The following ADO variants were observed in gnomAD, a reference collection of about 807,000 sequenced individuals.
ADO encodes the protein 2-aminoethanethiol (cysteamine) dioxygenase.
A neutral mutation model predicts 16.6 loss-of-function variants in ADO; 9 were observed. The ratio of observed to expected loss-of-function variants is 0.54; its 90% confidence interval spans 0.33 to 0.95. The LOEUF is 0.95. Among genes scored for constraint, ADO ranks in the 40% least tolerant of loss-of-function variants. ADO has a pLI of 0.03. For missense variants in ADO, 356 were observed against 386.4 expected (o/e 0.92, Z 0.66); for synonymous variants, 189 against 179.6 (o/e 1.05, Z -0.42).
chr10:62,805,545 A>G lies in ADO; in HGVS notation c.486A>G (p.Arg162=). ...QFEPPLQPRE[R]EAVRPGVLRS... ...AGCCGCCGCTGCAGCCCCGGGAGCG[A>G]GAAGCCGTGCGGCCGGGCGTGCTGC... is the stretch of plus-strand genomic sequence containing the variant. The change falls in exon 1 of 1, where the codon CGA becomes CGG. Residue 162 remains arginine, a synonymous_variant. Coordinates refer to ENST00000373783, the MANE Select transcript of ADO (RefSeq NM_032804.6). The surrounding 1 kb of genome is among the most constrained non-coding windows in gnomAD (Gnocchi z 6.4). The G allele has an allele frequency of 6.4e-7, 1 of 1,551,020 alleles. No individual in the cohort carries two copies. The highest frequency in any genetic ancestry group is 8.7e-7 in the Non-Finnish European group (1 of 1,149,414).
rs760613955 is a variant in ADO at position 62,805,309 on chromosome 10, C to G, written c.250C>G (p.Pro84Ala). The G allele has an allele frequency of 2.3e-5, 37 of 1,604,340 alleles. No homozygotes were observed. Among genetic ancestry groups the G allele is most frequent in the Non-Finnish European group, 3.1e-5 (37 of 1,179,276 alleles). Residue 84 changes from proline to alanine, a missense_variant, in exon 1 of 1, where the codon CCA becomes GCA. Coordinates refer to ENST00000373783, the MANE Select transcript of ADO (RefSeq NM_032804.6). This position sits in a 1 kb window ranked among gnomAD's most constrained non-coding sequence, Gnocchi z 6.4. ...TLQPLPPNLP[P>A]VTYMHIYETD... Reference sequence around the variant, plus strand: ...GCAGCCGCTGCCGCCCAACCTGCCGCCAGTCACCTACATGCACATCTACGA... The same window carrying G: ...GCAGCCGCTGCCGCCCAACCTGCCGGCAGTCACCTACATGCACATCTACGA...
Position 62,806,310 on chromosome 10 carries a change from A to G in ADO, c.*438A>G. ...TAGTTTTTTAACTTATTGACTGTGC[A>G]TGACCCAGTGGTTTGAATTGTTTTT... On this transcript the variant is annotated 3_prime_UTR_variant, in exon 1 of 1. Coordinates refer to ENST00000373783, the MANE Select transcript of ADO (RefSeq NM_032804.6). 5.9e-6 allele frequency: 1 copy of G among 170,122 alleles called. No homozygotes were observed. The allele number at this position is 170,122 out of a possible 1,614,324, so 10.5% of individuals were successfully genotyped here. A position where few individuals can be genotyped will look rare whatever the true frequency, so the allele number is the denominator to read the frequency against.
At position 62,805,090 on chromosome 10, in the gene ADO, C is replaced by A; in HGVS notation, c.31C>A (p.Gln11Lys). 1 of 1,526,592 alleles carries A rather than the reference C, an allele frequency of 6.6e-7. No individual in the cohort carries two copies. Among genetic ancestry groups the A allele is most frequent in the Admixed American group, 2.1e-5 (1 of 46,568 alleles). 94.6% of individuals were successfully genotyped at this position (1,526,592 alleles called of 1,614,324 possible). A position where few individuals can be genotyped will look rare whatever the true frequency, so the allele number is the denominator to read the frequency against. Reference sequence around the variant, plus strand: ...CCGAGACAACATGGCCTCCTTGATCCAACGGATCGCCCGCCAGGCTTGCCT... The same window carrying A: ...CCGAGACAACATGGCCTCCTTGATCAAACGGATCGCCCGCCAGGCTTGCCT... MPRDNMASLI[Q>K]RIARQACLTF... Residue 11 changes from glutamine (Q) to lysine (K), a missense_variant, in exon 1 of 1, where the codon CAA becomes AAA. Physicochemically the swap from Gln to Lys is moderately conservative, Grantham distance 53. Coordinates refer to ENST00000373783, the MANE Select transcript of ADO (RefSeq NM_032804.6). This position sits in a 1 kb window ranked among gnomAD's most constrained non-coding sequence, Gnocchi z 6.4.
At position 62,806,604 on chromosome 10, in the gene ADO, A is replaced by G. The variant is rs1004684683; in HGVS notation, c.*732A>G. 3 of 167,240 alleles carry G rather than the reference A, an allele frequency of 1.8e-5. No individual in the cohort carries two copies. The highest frequency in any genetic ancestry group is 7.2e-5 in the African/African-American group (3 of 41,466). The allele number at this position is 167,240 out of a possible 1,614,324, so 10.4% of individuals were successfully genotyped here. A position where few individuals can be genotyped will look rare whatever the true frequency, so the allele number is the denominator to read the frequency against. On this transcript the variant is annotated 3_prime_UTR_variant, in exon 1 of 1. Transcript: ENST00000373783. ...TGGTCACTTAGAGCTTATCTTCCCT[A>G]TGAATCTCCAGATCTGTGAGTCGAG...
chr10:62,808,429 A>G lies in ADO; in HGVS notation c.*2557A>G, dbSNP rs1222369834. 6.0e-6 allele frequency: 1 copy of G among 167,286 alleles called. No individual in the cohort carries two copies. The highest frequency in any genetic ancestry group is 2.4e-5 in the African/African-American group (1 of 41,480). 10.4% of individuals were successfully genotyped at this position (167,286 alleles called of 1,614,324 possible). A position where few individuals can be genotyped will look rare whatever the true frequency, so the allele number is the denominator to read the frequency against. ...TGGAAAGACTAATGAGCACAATGAT[A>G]TTAATCACTTTTATGGTGAATAATA... On this transcript the variant is annotated 3_prime_UTR_variant, in exon 1 of 1. Coordinates refer to ENST00000373783, the MANE Select transcript of ADO (RefSeq NM_032804.6).
Position 62,808,047 on chromosome 10 carries a change from A to G in ADO, c.*2175A>G, listed in dbSNP as rs1042887232. On this transcript the variant is annotated 3_prime_UTR_variant, in exon 1 of 1. Coordinates refer to ENST00000373783, the MANE Select transcript of ADO (RefSeq NM_032804.6). ...AGAAGTTTTAAAGTTTTCAATTACG[A>G]GCAATTTGGAAGAAAAAACCTAAGG... The G allele has an allele frequency of 6.0e-6, 1 of 167,208 alleles. No individual in the cohort carries two copies. The highest frequency in any genetic ancestry group is 1.9e-4 in the East Asian group (1 of 5,348). 10.4% of individuals were successfully genotyped at this position (167,208 alleles called of 1,614,324 possible).
chr10:62,804,728 G>T lies in ADO; in HGVS notation c.-332G>T, dbSNP rs764409805. On this transcript the variant is annotated 5_prime_UTR_variant, in exon 1 of 1. Coordinates refer to ENST00000373783, the MANE Select transcript of ADO (RefSeq NM_032804.6). ...TGCTCCGCAGGGTCCCCGGGCGCCCGGCCACCGTCGTAGGTGCGGGCCGCA... is the reference window on the plus strand; with the variant it reads ...TGCTCCGCAGGGTCCCCGGGCGCCCTGCCACCGTCGTAGGTGCGGGCCGCA... 1 of 190,974 alleles carries T rather than the reference G, an allele frequency of 5.2e-6. No individual in the cohort carries two copies. The highest frequency in any genetic ancestry group is 2.3e-5 in the African/African-American group (1 of 42,702). 11.8% of individuals were successfully genotyped at this position (190,974 alleles called of 1,614,324 possible). A position where few individuals can be genotyped will look rare whatever the true frequency, so the allele number is the denominator to read the frequency against.
Position 62,807,636 on chromosome 10 carries a change from A to G in ADO, c.*1764A>G, listed in dbSNP as rs1249525271. 1 of 167,234 alleles carries G rather than the reference A, an allele frequency of 6.0e-6. No homozygotes were observed. Among genetic ancestry groups the G allele is most frequent in the Admixed American group, 6.5e-5 (1 of 15,292 alleles). 10.4% of individuals were successfully genotyped at this position (167,234 alleles called of 1,614,324 possible). A position where few individuals can be genotyped will look rare whatever the true frequency, so the allele number is the denominator to read the frequency against. On this transcript the variant is annotated 3_prime_UTR_variant, in exon 1 of 1. Coordinates refer to ENST00000373783, the MANE Select transcript of ADO (RefSeq NM_032804.6). ...CTTTATTATAAAACCTGACACAGGCATAGTACCAAGTATTTCCTGCATTGT... is the reference window on the plus strand; with the variant it reads ...CTTTATTATAAAACCTGACACAGGCGTAGTACCAAGTATTTCCTGCATTGT...
chr10:62,805,937 C>T lies in ADO; in HGVS notation c.*65C>T. The stretch of plus-strand genomic sequence containing the variant: ...CTACCCTACCACAAGGGCTGTGTCT[C>T]TACCCCCTAGCCTGGGCGTTGGATC... On this transcript the variant is annotated 3_prime_UTR_variant, in exon 1 of 1. Coordinates refer to ENST00000373783, the MANE Select transcript of ADO (RefSeq NM_032804.6). This position sits in a 1 kb window ranked among gnomAD's most constrained non-coding sequence, Gnocchi z 6.4. 7.2e-7 allele frequency: 1 copy of T among 1,381,944 alleles called. No homozygotes were observed. The highest frequency in any genetic ancestry group is 2.8e-5 in the East Asian group (1 of 35,760). 85.6% of individuals were successfully genotyped at this position (1,381,944 alleles called of 1,614,324 possible). A position where few individuals can be genotyped will look rare whatever the true frequency, so the allele number is the denominator to read the frequency against.
Position 62,804,780 on chromosome 10 carries a change from A to G in ADO, c.-280A>G. 4.2e-6 allele frequency: 1 copy of G among 235,658 alleles called. No individual in the cohort carries two copies. The highest frequency in any genetic ancestry group is 8.1e-6 in the Non-Finnish European group (1 of 123,596). 14.6% of individuals were successfully genotyped at this position (235,658 alleles called of 1,614,324 possible). A position where few individuals can be genotyped will look rare whatever the true frequency, so the allele number is the denominator to read the frequency against. On this transcript the variant is annotated 5_prime_UTR_variant, in exon 1 of 1. Coordinates refer to ENST00000373783, the MANE Select transcript of ADO (RefSeq NM_032804.6). ...GAATGGAGCGCCGGGCGTAAGGCAA[A>G]GCCTGGCACCGTCTGCGCGGCCGCT...
In ADO at chr10:62,805,559, CGG is replaced by C; in HGVS notation, c.502_503del (p.Gly168ArgfsTer72). 6.4e-7 allele frequency: 1 copy of C among 1,557,046 alleles called. No homozygotes were observed. The highest frequency in any genetic ancestry group is 8.7e-7 in the Non-Finnish European group (1 of 1,152,272). On this transcript the variant is annotated frameshift_variant, in exon 1 of 1. Transcript: ENST00000373783. LOFTEE classifies it high-confidence loss of function. This position sits in a 1 kb window ranked among gnomAD's most constrained non-coding sequence, Gnocchi z 6.4. ...CCCCGGGAGCGAGAAGCCGTGCGGC[CGG>C]GCGTGCTGCGTTCGCGGGCCGAGTA...
chr10:62,805,155 T>C lies in ADO; in HGVS notation c.96T>C (p.Asp32=), dbSNP rs2132688473. The change falls in exon 1 of 1, where the codon GAT becomes GAC. Residue 32 remains aspartate (D), a synonymous_variant. Transcript: ENST00000373783. This position sits in a 1 kb window ranked among gnomAD's most constrained non-coding sequence, Gnocchi z 6.4. ...GCGGGGGCGGCCGCGGCGCTTCCGA[T>C]CGCGACGCGGCTTCTGGCCCGGAGG... The part of the protein sequence containing the change: ...RGSGGGRGAS[D]RDAASGPEAP... 1 of 1,587,200 alleles carries C rather than the reference T, an allele frequency of 6.3e-7. No homozygotes were observed.
Position 62,808,038 on chromosome 10 carries a change from T to G in ADO, c.*2166T>G, listed in dbSNP as rs1842070192. On this transcript the variant is annotated 3_prime_UTR_variant, in exon 1 of 1. Coordinates refer to ENST00000373783, the MANE Select transcript of ADO (RefSeq NM_032804.6). ...ATGAAAAAAAGAAGTTTTAAAGTTT[T>G]CAATTACGAGCAATTTGGAAGAAAA... is the stretch of plus-strand genomic sequence containing the variant. 6.0e-6 allele frequency: 1 copy of G among 167,186 alleles called. No homozygotes were observed. Among genetic ancestry groups the G allele is most frequent in the Admixed American group, 6.5e-5 (1 of 15,294 alleles). 10.4% of individuals were successfully genotyped at this position (167,186 alleles called of 1,614,324 possible).
rs1842064192 is a variant in ADO, at chr10:62,807,414, T to C, written c.*1542T>C. The stretch of plus-strand genomic sequence containing the variant: ...TCTAATATCTATAATAAAGGGAGAT[T>C]TGCTATTATTAGTGGAATGTTGACC... On this transcript the variant is annotated 3_prime_UTR_variant, in exon 1 of 1. Transcript: ENST00000373783. The C allele has an allele frequency of 6.0e-6, 1 of 167,174 alleles. No homozygotes were observed. The highest frequency in any genetic ancestry group is 2.4e-5 in the African/African-American group (1 of 41,454). 10.4% of individuals were successfully genotyped at this position (167,174 alleles called of 1,614,324 possible).
At position 62,805,680 on chromosome 10, in the gene ADO, C is replaced by T. The variant is rs1227885094; in HGVS notation, c.621C>T (p.Ile207=). 2.5e-6 allele frequency: 4 copies of T among 1,610,878 alleles called. No individual in the cohort carries two copies. Among genetic ancestry groups the T allele is most frequent in the Non-Finnish European group, 3.4e-6 (4 of 1,179,188 alleles). Residue 207 remains isoleucine (I), a synonymous_variant, in exon 1 of 1, where the codon ATC becomes ATT. Transcript: ENST00000373783. This position sits in a 1 kb window ranked among gnomAD's most constrained non-coding sequence, Gnocchi z 6.4. The part of the protein sequence containing the change: ...AVEGPAAFLD[I]LAPPYDPDDG... ...AAGGGCCTGCCGCCTTCCTGGACATCCTGGCCCCGCCCTACGACCCGGACG... is the reference window on the plus strand; with the variant it reads ...AAGGGCCTGCCGCCTTCCTGGACATTCTGGCCCCGCCCTACGACCCGGACG...
rs1842072576 is a variant in ADO at position 62,808,261 on chromosome 10, TGTG to T, written c.*2393_*2395del. 3 of 167,386 alleles carry T rather than the reference TGTG, an allele frequency of 1.8e-5. No homozygotes were observed. Among genetic ancestry groups the T allele is most frequent in the South Asian group, 4.1e-4 (2 of 4,828 alleles). 10.4% of individuals were successfully genotyped at this position (167,386 alleles called of 1,614,324 possible). ...GAATATGCTTATTACAAAGACAAAA[TGTG>T]GTGCAGAAACTATCTTGCACCTGTG... is the stretch of plus-strand genomic sequence containing the variant. On this transcript the variant is annotated 3_prime_UTR_variant, in exon 1 of 1. Coordinates refer to ENST00000373783, the MANE Select transcript of ADO (RefSeq NM_032804.6).
rs1481751339 is a variant in ADO at position 62,805,025 on chromosome 10, G to A, written c.-35G>A. 2.8e-6 allele frequency: 4 copies of A among 1,413,730 alleles called. No homozygotes were observed. In the East Asian group the frequency reaches 1.1e-4, roughly 40 times the overall value. The allele number at this position is 1,413,730 out of a possible 1,614,324, so 87.6% of individuals were successfully genotyped here. A position where few individuals can be genotyped will look rare whatever the true frequency, so the allele number is the denominator to read the frequency against. On this transcript the variant is annotated 5_prime_UTR_variant, in exon 1 of 1. Transcript: ENST00000373783. This position sits in a 1 kb window ranked among gnomAD's most constrained non-coding sequence, Gnocchi z 6.4. ...GACCGCAAGGGGCGGAGGAAAGGAGGGGGCCGGTCCCGGCACGCAGAGGAG... is the reference window on the plus strand; with the variant it reads ...GACCGCAAGGGGCGGAGGAAAGGAGAGGGCCGGTCCCGGCACGCAGAGGAG...
Position 62,805,978 on chromosome 10 carries a change from C to A in ADO, c.*106C>A. ...GCGTTGGATCTACTGGAATGAGCAG[C>A]AGCCGCTTCCTCGGCAGCCTTGGGA... is the stretch of plus-strand genomic sequence containing the variant. On this transcript the variant is annotated 3_prime_UTR_variant, in exon 1 of 1. Coordinates refer to ENST00000373783, the MANE Select transcript of ADO (RefSeq NM_032804.6). The surrounding 1 kb of genome is among the most constrained non-coding windows in gnomAD (Gnocchi z 6.4). 1 of 1,106,448 alleles carries A rather than the reference C, an allele frequency of 9.0e-7. No individual in the cohort carries two copies. Among genetic ancestry groups the A allele is most frequent in the South Asian group, 2.4e-5 (1 of 41,664 alleles). The allele number at this position is 1,106,448 out of a possible 1,614,324, so 68.5% of individuals were successfully genotyped here.
rs1041075368 is a variant in ADO, at chr10:62,807,262, A to G, written c.*1390A>G. 1.2e-5 allele frequency: 2 copies of G among 167,192 alleles called. No homozygotes were observed. The highest frequency in any genetic ancestry group is 2.9e-5 in the Non-Finnish European group (2 of 68,124). The allele number at this position is 167,192 out of a possible 1,614,324, so 10.4% of individuals were successfully genotyped here. A position where few individuals can be genotyped will look rare whatever the true frequency, so the allele number is the denominator to read the frequency against. ...CATGGAGCACTGTTTCTCCCTTTTT[A>G]CTATTTATAGGATTCCGTTTTTTCA... is the stretch of plus-strand genomic sequence containing the variant. On this transcript the variant is annotated 3_prime_UTR_variant, in exon 1 of 1. Coordinates refer to ENST00000373783, the MANE Select transcript of ADO (RefSeq NM_032804.6).
Sources: gnomAD v4.1 joint callset for allele counts on GRCh38, gnomAD v4.1.1 for gene constraint, Gnocchi (gnomAD v3.1) non-coding constraint, MANE v1.5 for transcripts, NCBI Gene and HGNC (gene_info 2026-07-23, HGNC 2026-07-21) for gene names.